The following CEP63 variants were observed in gnomAD, a reference collection of about 807,000 sequenced individuals.
CEP63 encodes centrosomal protein of 63 kDa.
A neutral mutation model predicts 89.1 loss-of-function variants in CEP63; 84 were observed. That is an observed-to-expected ratio of 0.94 (90% CI 0.79 to 1.13). The LOEUF (loss-of-function observed/expected upper bound fraction) is 1.13, where lower values mean the gene tolerates loss of function less well. Ranked by LOEUF, CEP63 falls within the 50% of genes most tolerant of loss-of-function variation. The probability of loss-of-function intolerance (pLI) is 0.00; values close to 1 mark genes in which losing one functional copy is unlikely to be tolerated. For missense variants in CEP63, 838 were observed against 813.3 expected, an observed-to-expected ratio of 1.03 and a Z score of -0.37; for synonymous variants, 267 against 272.5, an observed-to-expected ratio of 0.98 and a Z score of 0.20.
the CEP63 span, among the ~76,000 whole-genome samples, chr3:134,776,409 T>C: frequency 9.9e-5 from 15 of 152,152 alleles, no homozygotes; most frequent in Non-Finnish European, 1.5e-4. Flanking sequence ...ACTTAATTTT[T>C]TTTTCATATT....
intron 3 of CEP63, among the ~76,000 whole-genome samples, chr3:134,512,100 A>G (rs561296196): frequency 6.6e-6 from 1 of 152,336 alleles, no homozygotes; most frequent in East Asian, 1.9e-4. Context: ...ATCAGTGTAT[A>G]TCCATCTTTT....
At chr3:134,577,577 G>A (rs766484552), downstream of CEP63, among the ~76,000 whole-genome samples, 14 of 151,408 alleles carry the variant, frequency 9.2e-5, no homozygotes, top group African/African-American at 1.7e-4. Context: ...ACAAGTGTGC[G>A]CCACCATGCC....
At chr3:134,575,139 C>G (rs1958168604), downstream of CEP63, 2 of 292,850 alleles carry the variant, frequency 6.8e-6, no homozygotes, top group Non-Finnish European at 1.2e-5. Context: ...TTCCTTCATC[C>G]CTCCGTCCCT....
chr3:134,541,602 G>A lies in CEP63; in HGVS notation c.556-3984G>A, dbSNP rs113994992. On this transcript the variant is annotated intron_variant, in intron 6 of 14. Transcript: ENST00000675561. ...ACAATCTCGGCTCGCTGCAACCTCC[G>A]CCTCCCAGATCAAACGATCCTCCTC... Among the ~76,000 whole-genome samples, 1,134 of 142,400 alleles carry A rather than the reference G, an allele frequency of 8.0e-3. 17 individuals are homozygous for A. Among genetic ancestry groups the A allele is most frequent in the African/African-American group, 0.028 (1,079 of 38,160 alleles). 93.4% of individuals were successfully genotyped at this position (142,400 alleles called of 152,430 possible).
the CEP63 span, chr3:134,608,588 G>A: frequency 6.2e-7 from 1 of 1,613,450 alleles, no homozygotes; most frequent in Non-Finnish European, 8.5e-7. Flanking sequence ...CGGGCTCCTG[G>A]AGGACAGTGC....
chr3:134,756,099 A>T, the CEP63 span, among the ~76,000 whole-genome samples: 1 of 152,208 alleles, frequency 6.6e-6, no homozygotes, highest in Non-Finnish European at 1.5e-5. Context: ...GCCCAGCCCG[A>T]GCAGGGCACT....
chr3:134,662,056 C>G, the CEP63 span, among the ~76,000 whole-genome samples: 1 of 152,176 alleles, frequency 6.6e-6, no homozygotes, highest in Non-Finnish European at 1.5e-5. Flanking sequence ...GTGGGTAGAT[C>G]ACCTGAGGTC....
At chr3:134,569,074 C>A (rs376913539), downstream of CEP63, among the ~76,000 whole-genome samples, 1 of 152,140 alleles carries the variant, frequency 6.6e-6, no homozygotes, top group Non-Finnish European at 1.5e-5. Flanking sequence ...ACGAGAACAG[C>A]GTGAGAAAGA....
the CEP63 span, among the ~76,000 whole-genome samples, chr3:134,763,128 G>A: frequency 6.6e-6 from 1 of 151,188 alleles, no homozygotes; most frequent in African/African-American, 2.4e-5. Context: ...TATACATAAC[G>A]TGCAGGTTAG....
At chr3:134,494,075 A>G (rs975865956) in intron 1 of CEP63, among the ~76,000 whole-genome samples, 8 of 149,468 alleles carry the variant, frequency 5.4e-5, no homozygotes, top group African/African-American at 1.7e-4. Flanking sequence ...TTCATGGTGT[A>G]TCTTACCCTT....
the CEP63 span, among the ~76,000 whole-genome samples, chr3:134,705,241 C>T: frequency 1.3e-5 from 2 of 152,296 alleles, no homozygotes; most frequent in East Asian, 3.9e-4. Flanking sequence ...CTGGCATCTG[C>T]TCAGCTTCTA....
chr3:134,675,304 G>A, the CEP63 span, among the ~76,000 whole-genome samples: 6 of 152,230 alleles, frequency 3.9e-5, no homozygotes, highest in East Asian at 1.2e-3. Flanking sequence ...TTCAACAGAC[G>A]ATTCTGAGAC....
At chr3:134,545,407 G>T (rs796823783) in intron 6 of CEP63, among the ~76,000 whole-genome samples, 179 bp from the exon 7 acceptor site, 4 of 152,204 alleles carry the variant, frequency 2.6e-5, no homozygotes, top group African/African-American at 9.6e-5. Flanking sequence ...TAGGATTACA[G>T]GCGTGAGCCA....
chr3:134,508,198 T>A (rs1026980573), intron 3 of CEP63, among the ~76,000 whole-genome samples: 12 of 152,222 alleles, frequency 7.9e-5, no homozygotes, highest in Admixed American at 1.3e-4. Context: ...AAAATGTTAT[T>A]ATGCTTACCC....
intron 1 of CEP63, among the ~76,000 whole-genome samples, chr3:134,489,194 T>C (rs1368509642): frequency 1.3e-5 from 2 of 151,958 alleles, no homozygotes; most frequent in South Asian, 2.1e-4. Flanking sequence ...AGTTCCTAAC[T>C]TGCATTAGCC....
chr3:134,638,312 A>G, the CEP63 span, among the ~76,000 whole-genome samples: 2 of 152,234 alleles, frequency 1.3e-5, no homozygotes, highest in African/African-American at 2.4e-5. Context: ...AAGAAAAAAT[A>G]TTAGTGTGGC....
chr3:134,569,739 A>G (rs1054617386), downstream of CEP63, among the ~76,000 whole-genome samples: 4 of 152,114 alleles, frequency 2.6e-5, no homozygotes, highest in Admixed American at 2.6e-4. Flanking sequence ...TCCACCAGGC[A>G]CTACCCTAGT....
intron 1 of CEP63, among the ~76,000 whole-genome samples, chr3:134,492,012 A>G (rs1455689895): frequency 6.6e-6 from 1 of 152,084 alleles, no homozygotes; most frequent in East Asian, 1.9e-4. Flanking sequence ...TCTAGCTCAT[A>G]AAGTCTATGT....
intron 3 of CEP63, among the ~76,000 whole-genome samples, chr3:134,517,379 TA>T (rs1339327889): frequency 6.6e-6 from 1 of 152,186 alleles, no homozygotes; most frequent in Non-Finnish European, 1.5e-5. Flanking sequence ...GCCACAATCA[TA>T]GGGGAGAATT....
Sources: allele counts gnomAD v4.1 joint callset (sites outside exome capture counted in the v4.1 genomes callset), GRCh38; gene constraint gnomAD v4.1.1; transcripts MANE v1.5; gene names NCBI Gene and HGNC (gene_info 2026-07-23, HGNC 2026-07-21).